Variants in BPTF observed in about 807,000 individuals in gnomAD.
BPTF encodes the protein nucleosome-remodeling factor subunit BPTF.
Under a neutral mutation model 292.5 loss-of-function variants are expected in BPTF, and 18 were observed. The observed-to-expected ratio is 0.06, with a 90% CI of 0.04 to 0.09. The LOEUF (loss-of-function observed/expected upper bound fraction) is 0.09, where lower values mean the gene tolerates loss of function less well. BPTF is among the 10% of genes least tolerant of loss of function. The pLI, the probability that BPTF is intolerant of heterozygous loss-of-function variation, is 1.00. For missense variants in BPTF, 2,726 were observed against 3,498.7 expected, an observed-to-expected ratio of 0.78 and a Z score of 5.57; for synonymous variants, 1,225 against 1,251.9, an observed-to-expected ratio of 0.98 and a Z score of 0.45.
intron 9 of BPTF, among the ~76,000 whole-genome samples, chr17:67,908,826 A>ATT (rs34934455): frequency 0.015 from 1,629 of 106,064 alleles, 44 homozygotes; most frequent in East Asian, 0.019. Flanking sequence ...GTCACTGACA[A>ATT]TTTTTTTTTT....
In BPTF at chr17:67,854,880, A is replaced by G. The variant is rs1047135377; in HGVS notation, c.1436+118A>G. ...TATAAACCTTTGTAACTTAATAGTT[A>G]TACAGTTAAATAATTTCTTAATTGA... On this transcript the variant is annotated intron_variant, in intron 2 of 27. Transcript: ENST00000306378. This position sits in a 1 kb window ranked among gnomAD's most constrained non-coding sequence, Gnocchi z 5.6. The G allele has an allele frequency of 2.9e-6, 2 of 679,874 alleles. No homozygotes were observed. The highest frequency in any genetic ancestry group is 4.9e-6 in the Non-Finnish European group (2 of 408,924). 42.1% of individuals were successfully genotyped at this position (679,874 alleles called of 1,614,324 possible). A position where few individuals can be genotyped will look rare whatever the true frequency, so the allele number is the denominator to read the frequency against.
intron 4 of BPTF, among the ~76,000 whole-genome samples, chr17:67,878,875 T>G (rs2060207922): frequency 6.6e-6 from 1 of 152,202 alleles, no homozygotes; most frequent in Non-Finnish European, 1.5e-5. Context: ...AATGTTAACC[T>G]AATCTCATGT....
At chr17:67,977,843 C>CA (rs1196102560) in intron 27 of BPTF, 44 of 131,578 alleles carry the variant, frequency 3.3e-4, no homozygotes, top group South Asian at 5.1e-4. Flanking sequence ...GATTCCATCT[C>CA]AAAAAAAAAA....
chr17:67,915,930 G>A (rs1176200329), intron 11 of BPTF, among the ~76,000 whole-genome samples: 2 of 152,140 alleles, frequency 1.3e-5, no homozygotes, highest in Non-Finnish European at 2.9e-5. Context: ...CCTCCCTGGT[G>A]TTATTTCCAT....
chr17:67,911,187 T>G lies in BPTF; in HGVS notation c.3303T>G (p.Asn1101Lys). The G allele has an allele frequency of 6.2e-7, 1 of 1,613,712 alleles. No homozygotes were observed. The highest frequency in any genetic ancestry group is 8.5e-7 in the Non-Finnish European group (1 of 1,179,914). ...AGACTTCTACAAATTCTTCAAAAAA[T>G]CTCTCTGAATCACCAGTAATAACGA... ...IGKTSTNSSKNLSESPVITKA... is the reference protein window; with the variant it reads ...IGKTSTNSSKKLSESPVITKA... Residue 1101 changes from asparagine (N) to lysine (K), a missense_variant, in exon 11 of 28, where the codon AAT becomes AAG. Physicochemically the swap from Asn to Lys is moderately conservative, Grantham distance 94. Around this residue, in one of 22 missense-constraint regions of BPTF, gnomAD observed 713 missense variants for 714.9 expected, o/e 1.00. Coordinates refer to ENST00000306378, the MANE Select transcript of BPTF (RefSeq NM_182641.4).
Position 67,874,998 on chromosome 17 carries a change from C to T in BPTF, c.1842C>T (p.Asp614=). Residue 614 remains aspartate (D), a synonymous_variant, in exon 4 of 28, where the codon GAC becomes GAT. Transcript: ENST00000306378. The part of the protein sequence containing the change: ...KDSDDKTPDD[D]PEQGKSEVGD... ...GTGACGACAAAACACCAGATGATGACCCTGAGCAAGGAAAATCTGAGGGTA... is the reference window on the plus strand; with the variant it reads ...GTGACGACAAAACACCAGATGATGATCCTGAGCAAGGAAAATCTGAGGGTA... The T allele has an allele frequency of 6.2e-7, 1 of 1,610,598 alleles. No homozygotes were observed.
Position 67,940,471 on chromosome 17 carries a change from A to G in BPTF, c.6292A>G (p.Arg2098Gly), listed in dbSNP as rs781935365. Reference sequence around the variant, plus strand: ...TCAGCAAGTGATGACTCAAATCATCAGGGGGCAGCCTGTCTCCACTGCAGT... The same window carrying G: ...TCAGCAAGTGATGACTCAAATCATCGGGGGGCAGCCTGTCTCCACTGCAGT... ...APQQVMTQIIRGQPVSTAVSA... is the reference protein window; with the variant it reads ...APQQVMTQIIGGQPVSTAVSA... Residue 2098 changes from arginine (R) to glycine (G), a missense_variant, in exon 19 of 28, where the codon AGG becomes GGG. Coordinates refer to ENST00000306378, the MANE Select transcript of BPTF (RefSeq NM_182641.4). 2 of 1,614,108 alleles carry G rather than the reference A, an allele frequency of 1.2e-6. No homozygotes were observed. The highest frequency in any genetic ancestry group is 1.7e-5 in the Admixed American group (1 of 60,002).
In BPTF at chr17:67,854,153, G is replaced by A; in HGVS notation, c.827G>A (p.Ser276Asn). The A allele has an allele frequency of 6.2e-7, 1 of 1,614,222 alleles. No individual in the cohort carries two copies. Among genetic ancestry groups the A allele is most frequent in the Non-Finnish European group, 8.5e-7 (1 of 1,180,034 alleles). The stretch of plus-strand genomic sequence containing the variant: ...GAGGACTTTTGTGCAGCTCTGGTGA[G>A]CCAAGAGCAGTGCACACTCATGGCA... ...RFEDFCAALV[S>N]QEQCTLMAEM... Residue 276 changes from serine (S) to asparagine (N), a missense_variant, in exon 2 of 28, where the codon AGC becomes AAC. By Grantham distance (46) the Ser-to-Asn change is conservative. This residue lies in a region of BPTF where 102 missense variants were observed against 212.6 expected (regional missense o/e 0.48). Coordinates refer to ENST00000306378, the MANE Select transcript of BPTF (RefSeq NM_182641.4). The surrounding 1 kb of genome is among the most constrained non-coding windows in gnomAD (Gnocchi z 5.6).
chr17:67,960,657 A>G (rs1454529345), intron 24 of BPTF, among the ~76,000 whole-genome samples: 2 of 152,226 alleles, frequency 1.3e-5, no homozygotes, highest in African/African-American at 4.8e-5. Flanking sequence ...ACAGTTAACC[A>G]CCATACTTTT....
At chr17:67,892,136 C>G in intron 5 of BPTF, 102 bp downstream of exon 5, 1 of 882,236 alleles carries the variant, frequency 1.1e-6, no homozygotes, top group Non-Finnish European at 1.6e-6. Context: ...ATTTGTAGAC[C>G]TATTTTTGAA....
At chr17:67,944,818 C>T (rs565745804) in intron 20 of BPTF, among the ~76,000 whole-genome samples, 16 of 152,202 alleles carry the variant, frequency 1.1e-4, no homozygotes, top group Non-Finnish European at 1.5e-5. Flanking sequence ...AAAAGTGAAG[C>T]GTGGCAATTA....
chr17:67,933,566 TA>T (rs201238468), intron 18 of BPTF, among the ~76,000 whole-genome samples: 1 of 149,164 alleles, frequency 6.7e-6, no homozygotes. Flanking sequence ...ACGACCTGTT[TA>T]AAAAAAAAGA....
chr17:67,955,883 A>C (rs1447883455), intron 23 of BPTF: 5 of 151,980 alleles, frequency 3.3e-5, no homozygotes, highest in Non-Finnish European at 5.9e-5. Flanking sequence ...GGTGTGGCTC[A>C]TGGCCTGTAA....
intron 16 of BPTF, chr17:67,929,080 C>T (rs2064146381): frequency 7.7e-7 from 1 of 1,295,646 alleles, no homozygotes; most frequent in Non-Finnish European, 9.8e-7. Context: ...TTCCTGCAAA[C>T]AGCAAGATTG....
chr17:67,970,198 A>C (rs892638958), intron 26 of BPTF, among the ~76,000 whole-genome samples: 4 of 149,702 alleles, frequency 2.7e-5, no homozygotes, highest in Non-Finnish European at 5.9e-5. Context: ...ACGCCATTGC[A>C]CTCCTCCAGC....
intron 23 of BPTF, chr17:67,951,400 C>A (rs2148069458): frequency 6.6e-6 from 1 of 152,294 alleles, no homozygotes; most frequent in East Asian, 1.9e-4. Flanking sequence ...CACAGTATCA[C>A]AGGACCACAA....
At chr17:67,894,195 G>A (rs747262820) in intron 7 of BPTF, 30 bp downstream of exon 7, 2 of 1,610,178 alleles carry the variant, frequency 1.2e-6, no homozygotes, top group Admixed American at 1.7e-5. Context: ...TGTAAATGAT[G>A]AGTATTGGAC....
At chr17:67,864,354 C>G (rs1460790784) in intron 2 of BPTF, among the ~76,000 whole-genome samples, 2 of 152,078 alleles carry the variant, frequency 1.3e-5, no homozygotes, top group East Asian at 1.9e-4. Flanking sequence ...TGGCGAAACC[C>G]TGTCTCTACT....
chr17:67,923,471 CTTTTTTTTTTTTTTT>C (rs58462646), intron 14 of BPTF, among the ~76,000 whole-genome samples: 5 of 67,494 alleles, frequency 7.4e-5, no homozygotes, highest in South Asian at 1.3e-3. Context: ...CTCTCTCTGT[CTTTTTTTTTTTTTTT>C]TTTTTTTTTT....
Sources: gnomAD v4.1 joint callset for allele counts (sites outside exome capture counted in the v4.1 genomes callset) on GRCh38, gnomAD v4.1.1 for gene constraint, gnomAD v4.1.1 regional missense constraint, Gnocchi (gnomAD v3.1) non-coding constraint, MANE v1.5 for transcripts, NCBI Gene and HGNC (gene_info 2026-07-23, HGNC 2026-07-21) for gene names.